The following PCBP3 variants were observed in gnomAD, a reference collection of about 807,000 sequenced individuals.
The protein encoded by PCBP3 is poly(rC) binding protein 3.
A neutral mutation model predicts 52.7 loss-of-function variants in PCBP3; 25 were observed. That is an observed-to-expected ratio of 0.47 (90% confidence interval 0.35 to 0.66). The LOEUF (loss-of-function observed/expected upper bound fraction) is 0.66, where lower values mean the gene tolerates loss of function less well. Among genes scored for constraint, PCBP3 ranks in the 30% least tolerant of loss-of-function variants. PCBP3 has a pLI of 0.01. For missense variants in PCBP3, 391 were observed against 490.3 expected (o/e 0.80, Z 1.91); for synonymous variants, 162 against 183.0 (o/e 0.89, Z 0.93).
intron 3 of PCBP3, chr21:45,751,489 A>G (rs2087497742): frequency 6.6e-6 from 1 of 152,256 alleles, no homozygotes; most frequent in Non-Finnish European, 1.5e-5. Context: ...GCTCTGTACC[A>G]GGGTGGAGTG....
chr21:45,677,400 A>G (rs2081535984), intron 2 of PCBP3, among the ~76,000 whole-genome samples: 1 of 152,236 alleles, frequency 6.6e-6, no homozygotes, highest in South Asian at 2.1e-4. Flanking sequence ...ATATAGGAGA[A>G]TTTGAAGCTA....
rs1201450848 is a variant in PCBP3 at position 45,799,923 on chromosome 21, G to C, written c.-126+44471G>C. ...CCCAGGAGGCCTTGATGCGGGCAGAGGCTGTGCTAGCTTCACCAGGTTGGC... is the reference window on the plus strand; with the variant it reads ...CCCAGGAGGCCTTGATGCGGGCAGACGCTGTGCTAGCTTCACCAGGTTGGC... On this transcript the variant is annotated intron_variant, in intron 4 of 17. Coordinates refer to ENST00000681687, the MANE Select transcript of PCBP3 (RefSeq NM_001384156.1). 3.3e-5 allele frequency among the ~76,000 whole-genome samples: 5 copies of C among 152,364 alleles called. No homozygotes were observed. In the South Asian group the frequency reaches 1.0e-3, roughly 32 times the overall value.
chr21:45,844,668 C>G (rs972578526), intron 4 of PCBP3, among the ~76,000 whole-genome samples: 1 of 152,042 alleles, frequency 6.6e-6, no homozygotes, highest in African/African-American at 2.4e-5. Flanking sequence ...TTAGATGTGA[C>G]AGAATGGAGA....
intron 4 of PCBP3, among the ~76,000 whole-genome samples, chr21:45,809,261 G>T (rs1309590196): frequency 5.3e-5 from 8 of 152,136 alleles, no homozygotes; most frequent in Non-Finnish European, 1.2e-4. Flanking sequence ...ATAAATATTG[G>T]ACGACTTATT....
At chr21:45,776,706 G>A (rs1036698622) in intron 4 of PCBP3, among the ~76,000 whole-genome samples, 1 of 151,926 alleles carries the variant, frequency 6.6e-6, no homozygotes, top group Non-Finnish European at 1.5e-5. Flanking sequence ...TTTCCAATTT[G>A]TACAAAATAT....
intron 4 of PCBP3, among the ~76,000 whole-genome samples, chr21:45,796,665 T>C (rs570572443): frequency 1.4e-4 from 21 of 152,344 alleles, no homozygotes; most frequent in Non-Finnish European, 3.1e-4. Flanking sequence ...TGATTTGTAT[T>C]TTTTCACCTT....
At chr21:45,916,360 A>G (rs2073415877) in intron 12 of PCBP3, 1 of 152,246 alleles carries the variant, frequency 6.6e-6, no homozygotes, top group African/African-American at 2.4e-5. Context: ...CAGGACAGTG[A>G]GGTCCTTGGT....
chr21:45,842,414 T>C (rs73380652), intron 4 of PCBP3, among the ~76,000 whole-genome samples: 3,347 of 152,278 alleles, frequency 0.022, 138 homozygotes, highest in African/African-American at 0.075. Flanking sequence ...GTTTGTTCGT[T>C]CTCCATATCG....
intron 3 of PCBP3, among the ~76,000 whole-genome samples, chr21:45,754,283 G>A (rs918782226): frequency 6.6e-6 from 1 of 152,068 alleles, no homozygotes; most frequent in Non-Finnish European, 1.5e-5. Context: ...CAAGTACCCA[G>A]TAAAAAAATT....
intron 2 of PCBP3, among the ~76,000 whole-genome samples, chr21:45,718,710 A>C (rs1421218210): frequency 6.6e-6 from 1 of 152,166 alleles, no homozygotes; most frequent in Non-Finnish European, 1.5e-5. Flanking sequence ...TTAAAAAGTT[A>C]ATTGTGACAA....
intron 3 of PCBP3, among the ~76,000 whole-genome samples, chr21:45,743,568 G>C (rs1348721578): frequency 6.6e-6 from 1 of 152,068 alleles, no homozygotes; most frequent in Non-Finnish European, 1.5e-5. Context: ...TTAGGCCATA[G>C]CTCTTCCAAT....
Position 45,735,717 on chromosome 21 carries a change from C to G in PCBP3, c.-162+288C>G, listed in dbSNP as rs1315793321. ...AACCTTTCTCCACAGTTAACCTGAC[C>G]ATGTAGACCAGCAGGAGCTGGAGGG... On this transcript the variant is annotated intron_variant, in intron 3 of 17. Transcript: ENST00000681687. This position sits in a 1 kb window ranked among gnomAD's most constrained non-coding sequence, Gnocchi z 4.0. Among the ~76,000 whole-genome samples, 1 of 152,222 alleles carries G rather than the reference C, an allele frequency of 6.6e-6. No individual in the cohort carries two copies. The highest frequency in any genetic ancestry group is 1.5e-5 in the Non-Finnish European group (1 of 68,044).
chr21:45,729,721 T>C (rs1372935803), intron 2 of PCBP3, among the ~76,000 whole-genome samples: 2 of 152,198 alleles, frequency 1.3e-5, no homozygotes, highest in East Asian at 3.8e-4. Context: ...TCAGTGCAAC[T>C]AGATATTTAT....
chr21:45,898,182 A>G (rs542128718), intron 6 of PCBP3, among the ~76,000 whole-genome samples: 2 of 152,250 alleles, frequency 1.3e-5, no homozygotes, highest in East Asian at 3.9e-4. Context: ...GCACGGCCCC[A>G]TCTCCAGCAG....
At chr21:45,663,423 T>C (rs1311652071) in intron 1 of PCBP3, among the ~76,000 whole-genome samples, 1 of 152,128 alleles carries the variant, frequency 6.6e-6, no homozygotes, top group Non-Finnish European at 1.5e-5. Flanking sequence ...ATTTCTGCCA[T>C]CTCTCATCTC....
At chr21:45,690,098 T>C (rs1383840629) in intron 2 of PCBP3, among the ~76,000 whole-genome samples, 1 of 152,144 alleles carries the variant, frequency 6.6e-6, no homozygotes, top group Admixed American at 6.5e-5. Flanking sequence ...TTATCTGGTT[T>C]CAAATATCCA....
In PCBP3 at chr21:45,681,133, G is replaced by A. The variant is rs1013316248; in HGVS notation, c.-200+12181G>A. Reference sequence around the variant, plus strand: ...ATTTATTAGGGCAGAGCCCTGATGAGTTAATCACTTCCCAGAAGGTGCCAC... The same window carrying A: ...ATTTATTAGGGCAGAGCCCTGATGAATTAATCACTTCCCAGAAGGTGCCAC... On this transcript the variant is annotated intron_variant, in intron 2 of 17. Transcript: ENST00000681687. 9.4e-4 allele frequency among the ~76,000 whole-genome samples: 143 copies of A among 152,320 alleles called. 2 individuals are homozygous for A. The highest frequency in any genetic ancestry group is 3.4e-3 in the Middle Eastern group (1 of 294).
In PCBP3 at chr21:45,735,331, T is replaced by C. The variant is rs1224880504; in HGVS notation, c.-199-61T>C. ...CTAAGGTGATAGATTGTGATTTCTG[T>C]CTCTCTTTGGAAAGCCTATGATTTC... On this transcript the variant is annotated intron_variant, in intron 2 of 17. Coordinates refer to ENST00000681687, the MANE Select transcript of PCBP3 (RefSeq NM_001384156.1). This position sits in a 1 kb window ranked among gnomAD's most constrained non-coding sequence, Gnocchi z 4.0. 6.6e-6 allele frequency: 1 copy of C among 152,200 alleles called. No individual in the cohort carries two copies. Among genetic ancestry groups the C allele is most frequent in the African/African-American group, 2.4e-5 (1 of 41,458 alleles). The allele number at this position is 152,200 out of a possible 1,614,324, so 9.4% of individuals were successfully genotyped here.
chr21:45,813,176 C>T (rs935686464), intron 4 of PCBP3, among the ~76,000 whole-genome samples: 9 of 152,094 alleles, frequency 5.9e-5, no homozygotes, highest in Admixed American at 2.0e-4. Flanking sequence ...ACTATTGTCA[C>T]GCAGGTCTCT....
Sources: allele counts gnomAD v4.1 joint callset (sites outside exome capture counted in the v4.1 genomes callset), GRCh38; gene constraint gnomAD v4.1.1; non-coding constraint Gnocchi (gnomAD v3.1); transcripts MANE v1.5; gene names NCBI Gene and HGNC (gene_info 2026-07-23, HGNC 2026-07-21).